Variants in WWOX observed in about 807,000 individuals in gnomAD.
WWOX encodes the protein WW domain-containing oxidoreductase.
In WWOX, 69 loss-of-function variants were observed where a neutral mutation model predicts 46.2. That is an observed-to-expected ratio of 1.49 (90% CI 1.23 to 1.82). WWOX has a LOEUF of 1.82. Among genes scored for constraint, WWOX ranks in the 40% most tolerant of loss-of-function variants. The pLI, the probability that WWOX is intolerant of heterozygous loss-of-function variation, is 0.00. For synonymous variants in WWOX, 359 were observed against 202.6 expected, an observed-to-expected ratio of 1.77 and a Z score of -6.56; for missense variants, 919 against 542.6, an observed-to-expected ratio of 1.69 and a Z score of -6.89.
At chr16:78,605,102 A>G (rs1418658797) in intron 8 of WWOX, among the ~76,000 whole-genome samples, 1 of 149,484 alleles carries the variant, frequency 6.7e-6, no homozygotes, top group Non-Finnish European at 1.5e-5. Flanking sequence ...CAAACTTAAA[A>G]GTTGTTAAGT....
chr16:79,174,142 G>C (rs1454816991), intron 8 of WWOX, among the ~76,000 whole-genome samples: 1 of 152,162 alleles, frequency 6.6e-6, no homozygotes, highest in Non-Finnish European at 1.5e-5. Flanking sequence ...TGAGAGGCAG[G>C]TTAGTGACGA....
chr16:78,368,646 G>C (rs966505120), intron 5 of WWOX, among the ~76,000 whole-genome samples: 6 of 152,216 alleles, frequency 3.9e-5, no homozygotes, highest in Admixed American at 3.9e-4. Flanking sequence ...ATGCCATCGT[G>C]AAGTGGCTTC....
At chr16:78,370,791 G>A (rs68142009) in intron 5 of WWOX, among the ~76,000 whole-genome samples, 2 of 11,562 alleles carry the variant, frequency 1.7e-4, no homozygotes, top group Admixed American at 8.1e-4. Context: ...TTTTTTTTGG[G>A]GGGGGGGGGG....
At chr16:78,842,857 A>G (rs933759032) in intron 8 of WWOX, among the ~76,000 whole-genome samples, 20 of 150,396 alleles carry the variant, frequency 1.3e-4, no homozygotes, top group African/African-American at 4.8e-4. Context: ...TATCTCAAAT[A>G]AAAATAAAAA....
At chr16:78,816,220 C>T (rs1263625692) in intron 8 of WWOX, among the ~76,000 whole-genome samples, 1 of 152,170 alleles carries the variant, frequency 6.6e-6, no homozygotes, top group Non-Finnish European at 1.5e-5. Flanking sequence ...ATTTGGGACG[C>T]TGGATAGGAC....
intron 8 of WWOX, among the ~76,000 whole-genome samples, chr16:78,574,043 C>G (rs1192418908): frequency 6.6e-6 from 1 of 152,144 alleles, no homozygotes; most frequent in Admixed American, 6.5e-5. Context: ...TACTAGCAGA[C>G]TTTATTTCCT....
intron 8 of WWOX, among the ~76,000 whole-genome samples, chr16:78,966,390 C>G (rs1270209376): frequency 1.3e-5 from 2 of 152,178 alleles, no homozygotes; most frequent in Admixed American, 6.5e-5. Context: ...ATCATACTGT[C>G]TATAGAAGTT....
chr16:78,802,916 A>AG (rs2050928653), intron 8 of WWOX, among the ~76,000 whole-genome samples: 1 of 66,526 alleles, frequency 1.5e-5, no homozygotes, highest in Non-Finnish European at 3.3e-5. Flanking sequence ...ACTTCATCTG[A>AG]AAAAAAAAAA....
intron 8 of WWOX, among the ~76,000 whole-genome samples, chr16:78,918,704 T>C (rs2045308371): frequency 1.3e-5 from 2 of 152,222 alleles, no homozygotes; most frequent in South Asian, 4.1e-4. Flanking sequence ...CTTATTCTAG[T>C]CTCAGGCCCT....
intron 5 of WWOX, among the ~76,000 whole-genome samples, chr16:78,192,016 G>C (rs1158158570): frequency 6.6e-6 from 1 of 152,002 alleles, no homozygotes; most frequent in Non-Finnish European, 1.5e-5. Flanking sequence ...TTATTTTCTA[G>C]GCAAGTTAGT....
At chr16:78,829,276 C>T (rs557086108) in intron 8 of WWOX, among the ~76,000 whole-genome samples, 2 of 152,068 alleles carry the variant, frequency 1.3e-5, no homozygotes, top group South Asian at 4.2e-4. Context: ...CCAGAAGGGC[C>T]CATGGTAGAA....
At chr16:78,275,333 G>C (rs753278582) in intron 5 of WWOX, among the ~76,000 whole-genome samples, 4 of 152,152 alleles carry the variant, frequency 2.6e-5, no homozygotes, top group Non-Finnish European at 5.9e-5. Context: ...GACTCACCCT[G>C]TACGGTGGCC....
chr16:78,489,116 T>A (rs2084713961), intron 8 of WWOX, among the ~76,000 whole-genome samples: 1 of 152,188 alleles, frequency 6.6e-6, no homozygotes, highest in Non-Finnish European at 1.5e-5. Flanking sequence ...TACTAGCAGA[T>A]CAATAGTGAA....
rs191236059 is a variant in WWOX, at chr16:78,463,069, G to C, written c.1056+30317G>C. Among the ~76,000 whole-genome samples the C allele has an allele frequency of 3.9e-3, 595 of 152,308 alleles. 10 individuals carry two copies. The highest frequency in any genetic ancestry group is 0.013 in the African/African-American group (527 of 41,570). ...TTTTGTTTTATTTGCCTTTGCTGAG[G>C]CAGGGGCAGGTCTTTGTTTCATGTC... On this transcript the variant is annotated intron_variant, in intron 8 of 8. Transcript: ENST00000566780.
intron 5 of WWOX, chr16:78,179,664 T>C (rs1333584471): frequency 6.6e-6 from 1 of 152,226 alleles, no homozygotes; most frequent in Non-Finnish European, 1.5e-5. Flanking sequence ...TTCATCTTTA[T>C]GACAACACTA....
At chr16:79,177,594 G>T (rs2050826278) in intron 8 of WWOX, among the ~76,000 whole-genome samples, 1 of 152,094 alleles carries the variant, frequency 6.6e-6, no homozygotes, top group Non-Finnish European at 1.5e-5. Flanking sequence ...TGATGGAGTG[G>T]GGGAAAAAAG....
At chr16:78,249,872 G>C (rs1008989017) in intron 5 of WWOX, among the ~76,000 whole-genome samples, 1 of 152,102 alleles carries the variant, frequency 6.6e-6, no homozygotes, top group Non-Finnish European at 1.5e-5. Flanking sequence ...AGGGGAGAAG[G>C]GGCACCAGAA....
chr16:78,847,474 C>G (rs563327825), intron 8 of WWOX, among the ~76,000 whole-genome samples: 1 of 152,198 alleles, frequency 6.6e-6, no homozygotes, highest in South Asian at 2.1e-4. Context: ...AACACAACAA[C>G]TGGGTTTTTT....
intron 8 of WWOX, among the ~76,000 whole-genome samples, chr16:78,844,924 T>C (rs1363528803): frequency 1.3e-5 from 2 of 152,116 alleles, no homozygotes; most frequent in Non-Finnish European, 2.9e-5. Context: ...TCAGGATCTT[T>C]GGCCCTGAGA....
Sources: allele counts gnomAD v4.1 joint callset (sites outside exome capture counted in the v4.1 genomes callset), GRCh38; gene constraint gnomAD v4.1.1; transcripts MANE v1.5; gene names NCBI Gene and HGNC (gene_info 2026-07-23, HGNC 2026-07-21).